SIPA1L3: variants seen among roughly 807,000 people sequenced by gnomAD.
SIPA1L3 encodes the protein signal-induced proliferation-associated 1-like protein 3.
SIPA1L3 carries 59 observed loss-of-function variants against 150.1 expected under a neutral mutation model. The ratio of observed to expected loss-of-function variants is 0.39; its 90% CI spans 0.32 to 0.49. The LOEUF is 0.49. SIPA1L3 is among the 20% of genes least tolerant of loss of function. SIPA1L3 has a pLI of 0.86. For synonymous variants in SIPA1L3, 1,070 were observed against 1,077.6 expected (o/e 0.99, Z 0.14); for missense variants, 2,211 against 2,489.5 (o/e 0.89, Z 2.38).
At chr19:37,946,298 T>C (rs1482841307) in intron 1 of SIPA1L3, among the ~76,000 whole-genome samples, 1 of 151,614 alleles carries the variant, frequency 6.6e-6, no homozygotes, top group Non-Finnish European at 1.5e-5. Context: ...CCCCACACTT[T>C]TTTTTGTGTG....
At chr19:37,934,266 G>A (rs1434046322) in intron 1 of SIPA1L3, among the ~76,000 whole-genome samples, 3 of 152,138 alleles carry the variant, frequency 2.0e-5, no homozygotes, top group South Asian at 4.1e-4. Context: ...GATGGACTTC[G>A]CGCCGCTGTA....
chr19:38,126,669 T>C (rs896068809), intron 9 of SIPA1L3, among the ~76,000 whole-genome samples: 1 of 151,866 alleles, frequency 6.6e-6, no homozygotes, highest in African/African-American at 2.4e-5. Context: ...CCCAAGTAGC[T>C]GGGATTACAG....
intron 4 of SIPA1L3, among the ~76,000 whole-genome samples, chr19:38,093,266 A>C (rs976357653): frequency 2.0e-5 from 3 of 152,164 alleles, no homozygotes; most frequent in African/African-American, 7.2e-5. Context: ...AACTGGAAGA[A>C]GAGCATTCCA....
Position 38,082,177 on chromosome 19 carries a change from C to T in SIPA1L3, c.612C>T (p.Ser204=), listed in dbSNP as rs557835082. 6.9e-6 allele frequency: 11 copies of T among 1,604,666 alleles called. No homozygotes were observed. The East Asian group carries it at 2.5e-4, about 36-fold the overall frequency. Residue 204 remains serine, a synonymous_variant, in exon 3 of 22, where the codon AGC becomes AGT. Transcript: ENST00000222345. ...TGCCCCTCTTCCGCGAGTACGGGAGCACCTCGTCCATCGACGTGCAGGGCA... is the reference window on the plus strand; with the variant it reads ...TGCCCCTCTTCCGCGAGTACGGGAGTACCTCGTCCATCGACGTGCAGGGCA... The part of the protein sequence containing the change: ...GALPLFREYG[S]TSSIDVQGMP...
rs67434473 is a variant in SIPA1L3, at chr19:37,918,915, T to TAAACAAAC, written c.-379+11558_-379+11565dup. Among the ~76,000 whole-genome samples, 18 of 136,600 alleles carry TAAACAAAC rather than the reference T, an allele frequency of 1.3e-4. No individual in the cohort carries two copies. The East Asian group carries it at 1.5e-3, about 12-fold the overall frequency. The allele number at this position is 136,600 out of a possible 152,430, so 89.6% of individuals were successfully genotyped here. ...ATAAATAAATAAATAAATAAATAAA[T>TAAACAAAC]AAACAAACTGCTGCTTTGGACATGA... On this transcript the variant is annotated intron_variant, in intron 1 of 21. Transcript: ENST00000222345.
intron 2 of SIPA1L3, among the ~76,000 whole-genome samples, chr19:38,078,593 GACAC>G (rs1051006733): frequency 3.8e-5 from 4 of 105,060 alleles, no homozygotes; most frequent in Admixed American, 2.7e-4. Flanking sequence ...CACACACACA[GACAC>G]ACACACACAG....
At chr19:38,158,789 A>G (rs1166805160) in intron 13 of SIPA1L3, among the ~76,000 whole-genome samples, 1 of 152,226 alleles carries the variant, frequency 6.6e-6, no homozygotes. Context: ...TGAGCAGGAA[A>G]ACTGTGGGAG....
chr19:38,004,855 G>A lies in SIPA1L3; in HGVS notation c.-378-24234G>A, dbSNP rs569788209. Among the ~76,000 whole-genome samples the A allele has an allele frequency of 3.7e-5, 5 of 136,300 alleles. No individual in the cohort carries two copies. In the South Asian group the frequency reaches 1.0e-3, roughly 27 times the overall value. The allele number at this position is 136,300 out of a possible 152,430, so 89.4% of individuals were successfully genotyped here. ...GTTCACTCCCCACCTCTAGATCTGCGTTATTCATTCTCTTATATTCAGTCT... is the reference window on the plus strand; with the variant it reads ...GTTCACTCCCCACCTCTAGATCTGCATTATTCATTCTCTTATATTCAGTCT... On this transcript the variant is annotated intron_variant, in intron 1 of 21. Coordinates refer to ENST00000222345, the MANE Select transcript of SIPA1L3 (RefSeq NM_015073.3).
In SIPA1L3 at chr19:38,082,347, C is replaced by A. The variant is rs767109964; in HGVS notation, c.782C>A (p.Ser261Tyr). Reference sequence around the variant, plus strand: ...GGCGGCGGCGGAGCCAAGGGGGACTCCCACAACGGGCAGCCCGCCAAGGAC... The same window carrying A: ...GGCGGCGGCGGAGCCAAGGGGGACTACCACAACGGGCAGCCCGCCAAGGAC... ...MGGGGGAKGD[S>Y]HNGQPAKDSL... The change falls in exon 3 of 22, where the codon TCC (serine) becomes TAC (tyrosine). Residue 261 changes from serine (S) to tyrosine (Y), a missense_variant. Transcript: ENST00000222345. 1 of 1,598,492 alleles carries A rather than the reference C, an allele frequency of 6.3e-7. No homozygotes were observed. The highest frequency in any genetic ancestry group is 1.1e-5 in the South Asian group (1 of 90,874).
intron 13 of SIPA1L3, among the ~76,000 whole-genome samples, chr19:38,157,950 T>C (rs1341771329): frequency 1.3e-5 from 2 of 152,096 alleles, no homozygotes; most frequent in Non-Finnish European, 2.9e-5. Flanking sequence ...GAGTATGAAG[T>C]GGAAACTAGG....
chr19:37,980,921 C>A (rs1239005610), intron 1 of SIPA1L3, among the ~76,000 whole-genome samples: 1 of 152,194 alleles, frequency 6.6e-6, no homozygotes, highest in Admixed American at 6.5e-5. Context: ...CTCCTCAGTT[C>A]TTTCTAGTCA....
At chr19:37,948,732 C>A (rs757023346) in intron 1 of SIPA1L3, among the ~76,000 whole-genome samples, 4 of 152,122 alleles carry the variant, frequency 2.6e-5, no homozygotes, top group Admixed American at 1.3e-4. Flanking sequence ...ATCCTAGATA[C>A]AACAGATACA....
intron 1 of SIPA1L3, among the ~76,000 whole-genome samples, chr19:37,957,409 G>T (rs944846011): frequency 1.3e-5 from 2 of 152,148 alleles, no homozygotes; most frequent in African/African-American, 4.8e-5. Context: ...TGTGTACAAA[G>T]AATGCTTCTC....
intron 2 of SIPA1L3, among the ~76,000 whole-genome samples, chr19:38,056,797 C>T (rs1166823533): frequency 1.3e-5 from 2 of 152,118 alleles, no homozygotes; most frequent in Admixed American, 1.3e-4. Context: ...GGCGTGGTGG[C>T]CCACACCTGT....
chr19:38,100,381 A>G (rs933601252), intron 5 of SIPA1L3, among the ~76,000 whole-genome samples: 1 of 152,180 alleles, frequency 6.6e-6, no homozygotes, highest in Non-Finnish European at 1.5e-5. Flanking sequence ...GATAGCTGCT[A>G]GGTCCCCATG....
intron 2 of SIPA1L3, among the ~76,000 whole-genome samples, chr19:38,068,365 G>C (rs1969644522): frequency 6.6e-6 from 1 of 152,164 alleles, no homozygotes; most frequent in Non-Finnish European, 1.5e-5. Flanking sequence ...CTGCTGAGCT[G>C]TTGCTGACTT....
intron 15 of SIPA1L3, among the ~76,000 whole-genome samples, chr19:38,173,964 G>C (rs147260572): frequency 6.7e-6 from 1 of 148,296 alleles, no homozygotes. Context: ...GAGAAGAGAG[G>C]GGGGCAGATG....
At chr19:38,093,823 A>G (rs1970317700) in intron 4 of SIPA1L3, among the ~76,000 whole-genome samples, 1 of 152,220 alleles carries the variant, frequency 6.6e-6, no homozygotes, top group Non-Finnish European at 1.5e-5. Flanking sequence ...CAAGGCAGGA[A>G]CAGACTTGGA....
chr19:38,193,895 C>T, intron 18 of SIPA1L3, 115 bp downstream of exon 18: 2 of 1,199,038 alleles, frequency 1.7e-6, no homozygotes, highest in Non-Finnish European at 2.2e-6. Flanking sequence ...GTGTCGGGGC[C>T]ATCTCAGGGA....
Sources: gnomAD v4.1 joint callset for allele counts (sites outside exome capture counted in the v4.1 genomes callset) on GRCh38, gnomAD v4.1.1 for gene constraint, MANE v1.5 for transcripts, NCBI Gene and HGNC (gene_info 2026-07-23, HGNC 2026-07-21) for gene names.